The following PLEKHG4B variants were observed in gnomAD, a reference collection of about 807,000 sequenced individuals.
PLEKHG4B encodes pleckstrin homology and RhoGEF domain containing G4B, also known as pleckstrin homology domain-containing family G member 4B.
PLEKHG4B carries 111 observed loss-of-function variants against 121.3 expected under a neutral mutation model. The ratio of observed to expected loss-of-function variants is 0.92; its 90% confidence interval spans 0.78 to 1.07. The LOEUF is 1.07. PLEKHG4B is among the 50% of genes least tolerant of loss of function. The pLI is 0.00. For missense variants in PLEKHG4B, 1,831 were observed against 1,757.8 expected (o/e 1.04, Z -0.74); for synonymous variants, 738 against 725.0 (o/e 1.02, Z -0.29).
chr5:126,009 T>C (rs904081254), intron 2 of PLEKHG4B, among the ~76,000 whole-genome samples: 2 of 152,220 alleles, frequency 1.3e-5, no homozygotes, highest in African/African-American at 4.8e-5. Context: ...GTCACTTCTA[T>C]CTTGCTGCTT....
intron 2 of PLEKHG4B, among the ~76,000 whole-genome samples, chr5:136,168 A>G (rs1734979504): frequency 6.6e-6 from 1 of 152,154 alleles, no homozygotes; most frequent in African/African-American, 2.4e-5. Flanking sequence ...ACAAAAACTC[A>G]CTCAAAATGG....
chr5:181,410 C>T (rs1579336197), intron 18 of PLEKHG4B, 104 bp from the exon 19 acceptor site: 3 of 1,238,138 alleles, frequency 2.4e-6, no homozygotes, highest in East Asian at 2.4e-5. Flanking sequence ...ATACCCTGTA[C>T]ACCCTCCTGG....
At position 140,169 on chromosome 5, in the gene PLEKHG4B, G is replaced by A. The variant is rs1478790273; in HGVS notation, c.930G>A (p.Glu310=). The change falls in exon 3 of 20, where the codon GAG becomes GAA. Residue 310 remains glutamate, a synonymous_variant. Transcript: ENST00000637938. ...MPPENCGGSG[E]RPDPMDQEDR... is the part of the protein sequence containing the mutation. ...CTGAGAACTGTGGGGGGTCGGGGGA[G>A]AGGCCGGACCCCATGGACCAGGAGG... 1.0e-5 allele frequency: 9 copies of A among 869,886 alleles called. No individual in the cohort carries two copies. 53.9% of individuals were successfully genotyped at this position (869,886 alleles called of 1,614,324 possible). A position where few individuals can be genotyped will look rare whatever the true frequency, so the allele number is the denominator to read the frequency against.
chr5:133,560 T>C (rs1191499486), intron 2 of PLEKHG4B, among the ~76,000 whole-genome samples: 2 of 151,912 alleles, frequency 1.3e-5, no homozygotes, highest in African/African-American at 2.4e-5. Flanking sequence ...ATCAGGGAAA[T>C]GCACATCAGA....
At chr5:153,746 T>C (rs1305215425) in intron 7 of PLEKHG4B, among the ~76,000 whole-genome samples, 1 of 151,932 alleles carries the variant, frequency 6.6e-6, no homozygotes, top group Non-Finnish European at 1.5e-5. Context: ...AGTGCAGTGG[T>C]GTGATCACGG....
intron 18 of PLEKHG4B, among the ~76,000 whole-genome samples, chr5:176,726 C>T (rs1736771447): frequency 6.6e-6 from 1 of 152,264 alleles, no homozygotes; most frequent in African/African-American, 2.4e-5. Flanking sequence ...TGCTCAGAGA[C>T]TCGGCATTGC....
chr5:170,940 G>A (rs1736521651), intron 14 of PLEKHG4B, 103 bp from the exon 15 acceptor site: 2 of 834,660 alleles, frequency 2.4e-6, no homozygotes, highest in Non-Finnish European at 3.9e-6. Flanking sequence ...GCACCTGGGG[G>A]GTCTTGGGAC....
chr5:180,473 C>CG (rs1736897321), intron 18 of PLEKHG4B, among the ~76,000 whole-genome samples: 1 of 152,216 alleles, frequency 6.6e-6, no homozygotes, highest in African/African-American at 2.4e-5. Flanking sequence ...CTCTGCTCAT[C>CG]GGCCACCAGC....
At chr5:93,525 C>T (rs1032991222) in intron 1 of PLEKHG4B, among the ~76,000 whole-genome samples, 3 of 152,016 alleles carry the variant, frequency 2.0e-5, no homozygotes, top group African/African-American at 7.3e-5. Flanking sequence ...GAGGAGATAC[C>T]AGGTTTTTAT....
At chr5:172,132 C>G (rs1206476959) in intron 16 of PLEKHG4B, among the ~76,000 whole-genome samples, 1 of 151,560 alleles carries the variant, frequency 6.6e-6, no homozygotes, top group Non-Finnish European at 1.5e-5. Flanking sequence ...AAGGCAGGCC[C>G]ATCTCGGGCC....
intron 2 of PLEKHG4B, among the ~76,000 whole-genome samples, chr5:115,639 G>T (rs761364985): frequency 2.8e-4 from 43 of 152,170 alleles, no homozygotes; most frequent in Admixed American, 2.0e-4. Flanking sequence ...AGATCTTCTG[G>T]ATTACTTGCT....
chr5:99,064 G>T (rs1222803526), intron 1 of PLEKHG4B, among the ~76,000 whole-genome samples: 1 of 145,974 alleles, frequency 6.9e-6, no homozygotes, highest in Non-Finnish European at 1.5e-5. Flanking sequence ...GCTGAGGCAG[G>T]AGAATTGCAT....
chr5:163,064 AG>A lies in PLEKHG4B; in HGVS notation c.2993del (p.Ser998MetfsTer82). The A allele has an allele frequency of 6.4e-7, 1 of 1,561,090 alleles. No individual in the cohort carries two copies. Among genetic ancestry groups the A allele is most frequent in the Non-Finnish European group, 8.7e-7 (1 of 1,152,662 alleles). ...QKPPSFPSTD[S>X]GGGAWEPAQP... ...GCCACCCTCATTCCCCAGCACGGAC[AG>A]TGGGGGTGGTGCCTGGGAACCTGCG... On this transcript the variant is annotated frameshift_variant, in exon 13 of 20. Coordinates refer to ENST00000637938, the MANE Select transcript of PLEKHG4B (RefSeq NM_052909.5). LOFTEE classifies it high-confidence loss of function.
intron 2 of PLEKHG4B, among the ~76,000 whole-genome samples, chr5:125,104 G>T (rs1343677844): frequency 6.6e-6 from 1 of 152,152 alleles, no homozygotes; most frequent in Non-Finnish European, 1.5e-5. Flanking sequence ...CTCAACTCCA[G>T]CCTGAGTGAC....
chr5:110,731 C>T (rs988591709), intron 1 of PLEKHG4B, among the ~76,000 whole-genome samples: 1 of 151,778 alleles, frequency 6.6e-6, no homozygotes, highest in Non-Finnish European at 1.5e-5. Context: ...GTGCACACAC[C>T]AGCCACTCTG....
At chr5:169,209 T>C in intron 13 of PLEKHG4B, 131 bp from the exon 14 acceptor site, 1 of 1,267,518 alleles carries the variant, frequency 7.9e-7, no homozygotes, top group East Asian at 2.3e-5. Context: ...CATGTGCCCA[T>C]GTGCCTCCAG....
chr5:119,233 A>G (rs944790210), intron 2 of PLEKHG4B, among the ~76,000 whole-genome samples: 3 of 152,296 alleles, frequency 2.0e-5, no homozygotes, highest in Non-Finnish European at 4.4e-5. Context: ...AAGAATTTAT[A>G]TCTAAAGGCC....
intron 1 of PLEKHG4B, among the ~76,000 whole-genome samples, chr5:110,292 C>T (rs1251259224): frequency 6.7e-6 from 1 of 149,446 alleles, no homozygotes; most frequent in Non-Finnish European, 1.5e-5. Flanking sequence ...ATGCATACAC[C>T]CACACAATCT....
intron 2 of PLEKHG4B, among the ~76,000 whole-genome samples, chr5:115,732 C>T (rs190324165): frequency 6.6e-6 from 1 of 152,336 alleles, no homozygotes; most frequent in Non-Finnish European, 1.5e-5. Flanking sequence ...CTCATGAACT[C>T]ACCTCTGTTA....
Sources: allele counts gnomAD v4.1 joint callset (sites outside exome capture counted in the v4.1 genomes callset), GRCh38; gene constraint gnomAD v4.1.1; transcripts MANE v1.5; gene names NCBI Gene and HGNC (gene_info 2026-07-23, HGNC 2026-07-21).